The following ZNF207 variants were observed in gnomAD, a reference collection of about 807,000 sequenced individuals.
ZNF207 encodes BUB3-interacting and GLEBS motif-containing protein ZNF207.
A neutral mutation model predicts 60.2 loss-of-function variants in ZNF207; 24 were observed. The ratio of observed to expected loss-of-function variants is 0.40; its 90% CI spans 0.29 to 0.56. ZNF207 has a LOEUF of 0.56. ZNF207 is among the 20% of genes least tolerant of loss of function. The probability of loss-of-function intolerance (pLI) is 0.49; values close to 1 mark genes in which losing one functional copy is unlikely to be tolerated. For missense variants in ZNF207, 452 were observed against 636.6 expected, an observed-to-expected ratio of 0.71 and a Z score of 3.12; for synonymous variants, 236 against 194.7, an observed-to-expected ratio of 1.21 and a Z score of -1.77.
intron 2 of ZNF207, among the ~76,000 whole-genome samples, chr17:32,356,383 C>T (rs1198017918): frequency 6.6e-6 from 1 of 152,110 alleles, no homozygotes; most frequent in Non-Finnish European, 1.5e-5. Flanking sequence ...TTCCAAAAAA[C>T]CTTAGGAAAC....
Position 32,374,549 on chromosome 17 carries a change from T to A in ZNF207, c.*4790T>A, listed in dbSNP as rs994279331. 4 of 152,142 alleles carry A rather than the reference T, an allele frequency of 2.6e-5. No homozygotes were observed. The highest frequency in any genetic ancestry group is 9.7e-5 in the African/African-American group (4 of 41,440). The allele number at this position is 152,142 out of a possible 1,614,324, so 9.4% of individuals were successfully genotyped here. A position where few individuals can be genotyped will look rare whatever the true frequency, so the allele number is the denominator to read the frequency against. On this transcript the variant is annotated 3_prime_UTR_variant, in exon 12 of 12. Coordinates refer to ENST00000394670, the MANE Select transcript of ZNF207 (RefSeq NM_001098507.2). ...GCATTCTTAATCACAAACTTACGCA[T>A]TGAATGTTAAGGCTAAAAGGTCATC...
intron 2 of ZNF207, among the ~76,000 whole-genome samples, chr17:32,357,351 ATTTTTT>A (rs1164011891): frequency 2.7e-5 from 2 of 74,028 alleles, no homozygotes; most frequent in African/African-American, 5.6e-5. Context: ...TATTATTATT[ATTTTTT>A]TTTTTTTTTG....
chr17:32,361,545 G>C (rs1904881359), intron 6 of ZNF207, 30 bp downstream of exon 6: 1 of 1,589,266 alleles, frequency 6.3e-7, no homozygotes, highest in East Asian at 2.3e-5. Flanking sequence ...TGTAATTCAG[G>C]AGGTATAATC....
Position 32,358,526 on chromosome 17 carries a change from C to T in ZNF207, c.192C>T (p.Ala64=), listed in dbSNP as rs376194848. ...AGGTACATAAAGAAACAATAGATGC[C>T]GTACCAAATGCAATACCTGGAAGAA... The part of the protein sequence containing the change: ...CMQVHKETID[A]VPNAIPGRTD... Residue 64 remains alanine, a synonymous_variant, in exon 3 of 12, where the codon GCC becomes GCT. Transcript: ENST00000394670. 51 of 1,562,286 alleles carry T rather than the reference C, an allele frequency of 3.3e-5. No homozygotes were observed. The highest frequency in any genetic ancestry group is 4.1e-5 in the Non-Finnish European group (48 of 1,162,638).
Position 32,357,348 on chromosome 17 carries a change from ATTATTTTT to A in ZNF207, c.169-1152_169-1145del, listed in dbSNP as rs1225903718. The stretch of plus-strand genomic sequence containing the variant: ...TATTATTATTATTATTATTATTATT[ATTATTTTT>A]TTTTTTTTTTGAGACAGAATCTCGC... On this transcript the variant is annotated intron_variant, in intron 2 of 11. Transcript: ENST00000394670. Among the ~76,000 whole-genome samples, 285 of 77,642 alleles carry A rather than the reference ATTATTTTT, an allele frequency of 3.7e-3. 2 individuals carry two copies. The highest frequency in any genetic ancestry group is 0.017 in the African/African-American group (256 of 15,046). 50.9% of individuals were successfully genotyped at this position (77,642 alleles called of 152,430 possible).
intron 6 of ZNF207, among the ~76,000 whole-genome samples, chr17:32,362,099 G>A (rs1212198983): frequency 6.6e-6 from 1 of 150,642 alleles, no homozygotes; most frequent in African/African-American, 2.5e-5. Flanking sequence ...CTTTAATTTT[G>A]GTGGTAGTAT....
chr17:32,356,839 A>G lies in ZNF207; in HGVS notation c.169-1664A>G, dbSNP rs754685154. 2.6e-5 allele frequency among the ~76,000 whole-genome samples: 4 copies of G among 152,170 alleles called. 1 individual carries two copies. Among genetic ancestry groups the G allele is most frequent in the South Asian group, 4.1e-4 (2 of 4,830 alleles). On this transcript the variant is annotated intron_variant, in intron 2 of 11. Transcript: ENST00000394670. ...TTAGAAGCGCTTATGTAGCAAAACA[A>G]TATAATGAAAAAAAATCCCAGATTT...
At chr17:32,359,418 T>G (rs1229716107) in intron 3 of ZNF207, among the ~76,000 whole-genome samples, 2 of 152,072 alleles carry the variant, frequency 1.3e-5, no homozygotes, top group African/African-American at 4.8e-5. Context: ...GCCTAGTTTT[T>G]ATATTTTTTA....
At chr17:32,350,937 A>T (rs1216361244) in intron 1 of ZNF207, 1 of 146,480 alleles carries the variant, frequency 6.8e-6, no homozygotes, top group African/African-American at 2.6e-5. Context: ...CACAGGGCGG[A>T]GTTTCTGTTA....
At chr17:32,353,519 C>T (rs1360049079) in intron 2 of ZNF207, among the ~76,000 whole-genome samples, 1 of 152,058 alleles carries the variant, frequency 6.6e-6, no homozygotes, top group Non-Finnish European at 1.5e-5. Flanking sequence ...TGGTGGCTCA[C>T]GCCTGTAATC....
rs1905559330 is a variant in ZNF207 at position 32,373,674 on chromosome 17, CTG to C, written c.*3921_*3922del. ...TTCATATGCAATTTTATGTAATTTG[CTG>C]TGTGTTACATAATTAACAGCTTCAG... On this transcript the variant is annotated 3_prime_UTR_variant, in exon 12 of 12. Transcript: ENST00000394670. The C allele has an allele frequency of 2.8e-6, 1 of 359,404 alleles. No homozygotes were observed. The highest frequency in any genetic ancestry group is 4.9e-6 in the Non-Finnish European group (1 of 203,188). 22.3% of individuals were successfully genotyped at this position (359,404 alleles called of 1,614,324 possible).
At chr17:32,358,854 G>A (rs895389417) in intron 3 of ZNF207, among the ~76,000 whole-genome samples, 1 of 151,990 alleles carries the variant, frequency 6.6e-6, no homozygotes, top group Non-Finnish European at 1.5e-5. Context: ...GAGTGCAGTA[G>A]CATGATCTCG....
At position 32,370,121 on chromosome 17, in the gene ZNF207, G is replaced by A. The variant is rs1354824371; in HGVS notation, c.*362G>A. 4 of 161,842 alleles carry A rather than the reference G, an allele frequency of 2.5e-5. No homozygotes were observed. The highest frequency in any genetic ancestry group is 4.0e-5 in the Non-Finnish European group (3 of 74,432). 10.0% of individuals were successfully genotyped at this position (161,842 alleles called of 1,614,324 possible). A position where few individuals can be genotyped will look rare whatever the true frequency, so the allele number is the denominator to read the frequency against. On this transcript the variant is annotated 3_prime_UTR_variant, in exon 12 of 12. Coordinates refer to ENST00000394670, the MANE Select transcript of ZNF207 (RefSeq NM_001098507.2). The stretch of plus-strand genomic sequence containing the variant: ...GCTTACATTGCTATTTGTAAAGTTT[G>A]CCTTCACAGCATTTCAGATGCTGTT...
intron 7 of ZNF207, among the ~76,000 whole-genome samples, chr17:32,364,203 T>C (rs562955744): frequency 3.9e-5 from 6 of 151,900 alleles, no homozygotes; most frequent in Non-Finnish European, 8.8e-5. Flanking sequence ...AAAATAACTT[T>C]CCCAGAAGCT....
chr17:32,354,339 T>A (rs554018273), intron 2 of ZNF207, among the ~76,000 whole-genome samples: 1 of 152,200 alleles, frequency 6.6e-6, no homozygotes, highest in East Asian at 1.9e-4. Context: ...CTGTCAGTTT[T>A]TTTTTTGTTT....
chr17:32,353,889 A>G (rs1206869986), intron 2 of ZNF207, among the ~76,000 whole-genome samples: 2 of 151,990 alleles, frequency 1.3e-5, no homozygotes, highest in Non-Finnish European at 2.9e-5. Context: ...TGTTGCAGCC[A>G]TTAGTTACAT....
At position 32,372,015 on chromosome 17, in the gene ZNF207, G is replaced by A; in HGVS notation, c.*2256G>A. ...AAAGTCTTTAAGATAAAAATGGTGT[G>A]ATAGGCCGGGCGCAGTGGCTCACGC... On this transcript the variant is annotated 3_prime_UTR_variant, in exon 12 of 12. Transcript: ENST00000394670. 6.6e-6 allele frequency: 1 copy of A among 151,782 alleles called. No homozygotes were observed. Among genetic ancestry groups the A allele is most frequent in the African/African-American group, 2.4e-5 (1 of 41,398 alleles). The allele number at this position is 151,782 out of a possible 1,614,324, so 9.4% of individuals were successfully genotyped here.
rs1905431197 is a variant in ZNF207 at position 32,370,749 on chromosome 17, T to C, written c.*990T>C. 1 of 152,216 alleles carries C rather than the reference T, an allele frequency of 6.6e-6. No individual in the cohort carries two copies. Among genetic ancestry groups the C allele is most frequent in the African/African-American group, 2.4e-5 (1 of 41,454 alleles). 9.4% of individuals were successfully genotyped at this position (152,216 alleles called of 1,614,324 possible). A position where few individuals can be genotyped will look rare whatever the true frequency, so the allele number is the denominator to read the frequency against. On this transcript the variant is annotated 3_prime_UTR_variant, in exon 12 of 12. Transcript: ENST00000394670. ...ATTTCCTTTTGATTATTTTTGAGAC[T>C]CAGTACTGCATGGACCTCAGAAGCT...
At chr17:32,363,379 C>T (rs549665978) in intron 7 of ZNF207, among the ~76,000 whole-genome samples, 8 of 151,712 alleles carry the variant, frequency 5.3e-5, no homozygotes, top group South Asian at 4.2e-4. Flanking sequence ...TGAGCCACCA[C>T]GCCTGGCTGG....
Sources: allele counts gnomAD v4.1 joint callset (sites outside exome capture counted in the v4.1 genomes callset), GRCh38; gene constraint gnomAD v4.1.1; transcripts MANE v1.5; gene names NCBI Gene and HGNC (gene_info 2026-07-23, HGNC 2026-07-21).